BEND7: variants seen among roughly 807,000 people sequenced by gnomAD.
BEND7 encodes BEN domain-containing protein 7.
BEND7 carries 28 observed loss-of-function variants against 50.9 expected under a neutral mutation model. The ratio of observed to expected loss-of-function variants is 0.55; its 90% CI spans 0.41 to 0.75. The LOEUF (loss-of-function observed/expected upper bound fraction) is 0.75. Ranked by LOEUF, BEND7 falls within the 30% of genes least tolerant of loss-of-function variation. BEND7 has a pLI of 0.00. For missense variants in BEND7, 477 were observed against 491.3 expected (o/e 0.97, Z 0.28); for synonymous variants, 170 against 183.9 (o/e 0.92, Z 0.61).
chr10:13,451,494 C>T (rs942761595), intron 7 of BEND7, among the ~76,000 whole-genome samples: 6 of 152,036 alleles, frequency 3.9e-5, no homozygotes, highest in Non-Finnish European at 8.8e-5. Context: ...CTGCCTCAGC[C>T]TCCCAACTAT....
intron 2 of BEND7, among the ~76,000 whole-genome samples, chr10:13,501,412 T>C (rs1404319277): frequency 6.6e-6 from 1 of 151,736 alleles, no homozygotes; most frequent in Non-Finnish European, 1.5e-5. Flanking sequence ...GAAAATATTT[T>C]CTATCAATAA....
chr10:13,443,528 G>T (rs1036052905), intron 8 of BEND7: 1 of 152,560 alleles, frequency 6.6e-6, no homozygotes, highest in Non-Finnish European at 1.5e-5. Context: ...GGAGGTGTCT[G>T]TGTTTCACAC....
chr10:13,441,195 T>A lies in BEND7; in HGVS notation c.*548A>T. ...CACCATTTTCACAACCAGGCTTGCA[T>A]TGAATTCTTTTTTAAAGAACATAGT... On this transcript the variant is annotated 3_prime_UTR_variant, in exon 9 of 9. Transcript: ENST00000466271. 1.0e-6 allele frequency: 1 copy of A among 957,856 alleles called. No homozygotes were observed. Among genetic ancestry groups the A allele is most frequent in the Non-Finnish European group, 1.2e-6 (1 of 804,838 alleles). The allele number at this position is 957,856 out of a possible 1,614,324, so 59.3% of individuals were successfully genotyped here.
intron 2 of BEND7, among the ~76,000 whole-genome samples, chr10:13,501,129 C>A (rs1334250967): frequency 1.3e-5 from 2 of 152,134 alleles, no homozygotes; most frequent in Non-Finnish European, 2.9e-5. Context: ...AATCCCAGCA[C>A]TTTGGGAGGC....
chr10:13,473,930 T>G (rs1040299033), intron 6 of BEND7, among the ~76,000 whole-genome samples: 3 of 151,420 alleles, frequency 2.0e-5, no homozygotes, highest in African/African-American at 7.3e-5. Flanking sequence ...ACTGTTAGAC[T>G]CAGGGCCAAT....
chr10:13,509,265 A>G (rs2132422016), intron 2 of BEND7, among the ~76,000 whole-genome samples: 1 of 152,336 alleles, frequency 6.6e-6, no homozygotes, highest in South Asian at 2.1e-4. Context: ...ACTGAATGCA[A>G]GTACTGTCCT....
In BEND7 at chr10:13,451,144, G is replaced by A. The variant is rs558825613; in HGVS notation, c.1183+1395C>T. Reference sequence around the variant, plus strand: ...CAGACACATGATCCACTGCCAGCAAGGTCTTTCTGGGTCCCTGAGAATAGC... The same window carrying A: ...CAGACACATGATCCACTGCCAGCAAAGTCTTTCTGGGTCCCTGAGAATAGC... On this transcript the variant is annotated intron_variant, in intron 7 of 8. Coordinates refer to ENST00000466271, the MANE Select transcript of BEND7 (RefSeq NM_001369863.1). 7.2e-5 allele frequency among the ~76,000 whole-genome samples: 11 copies of A among 151,938 alleles called. No individual in the cohort carries two copies. The South Asian group carries it at 2.3e-3, about 32-fold the overall frequency.
At chr10:13,487,435 G>A (rs538871547) in intron 5 of BEND7, among the ~76,000 whole-genome samples, 4 of 142,338 alleles carry the variant, frequency 2.8e-5, no homozygotes, top group Non-Finnish European at 6.0e-5. Context: ...TGCCCAGGCT[G>A]GAGTACAATG....
chr10:13,480,706 T>G, intron 6 of BEND7, 193 bp downstream of exon 6: 1 of 985,368 alleles, frequency 1.0e-6, no homozygotes, highest in Non-Finnish European at 1.2e-6. Context: ...TAACATTACC[T>G]TGAATAATGA....
chr10:13,517,869 G>A (rs951698982), intron 2 of BEND7, among the ~76,000 whole-genome samples: 3 of 152,138 alleles, frequency 2.0e-5, no homozygotes, highest in Admixed American at 1.3e-4. Flanking sequence ...CGCCAGCCCC[G>A]CTCCCCTGCT....
chr10:13,471,812 T>G, intron 6 of BEND7, among the ~76,000 whole-genome samples: 1 of 152,258 alleles, frequency 6.6e-6, no homozygotes, highest in East Asian at 1.9e-4. Flanking sequence ...AGCCCAAGCT[T>G]CACAGGGGCT....
intron 2 of BEND7, 129 bp downstream of exon 2, chr10:13,526,009 G>A (rs1229837782): frequency 2.7e-6 from 1 of 371,504 alleles, no homozygotes; most frequent in East Asian, 8.2e-5. Context: ...TAAAATAAAA[G>A]GTCTTGAAAA....
chr10:13,468,538 G>A (rs970211690), intron 6 of BEND7, among the ~76,000 whole-genome samples: 1 of 152,198 alleles, frequency 6.6e-6, no homozygotes, highest in African/African-American at 2.4e-5. Context: ...GAAGTAAGTA[G>A]GAAAACGATG....
At chr10:13,487,464 G>A (rs947005589) in intron 5 of BEND7, among the ~76,000 whole-genome samples, 12 of 146,562 alleles carry the variant, frequency 8.2e-5, no homozygotes, top group South Asian at 2.2e-4. Flanking sequence ...TTGGCTCACC[G>A]CAACCTCTGC....
intron 6 of BEND7, among the ~76,000 whole-genome samples, chr10:13,452,861 A>C (rs577000203): frequency 6.6e-6 from 1 of 152,352 alleles, no homozygotes; most frequent in Admixed American, 6.5e-5. Context: ...ATTGTGCTTC[A>C]AAACGAAACT....
Position 13,452,566 on chromosome 10 carries a change from C to A in BEND7, c.1156G>T (p.Ala386Ser). The A allele has an allele frequency of 5.0e-6, 8 of 1,612,492 alleles. No individual in the cohort carries two copies. Among genetic ancestry groups the A allele is most frequent in the Non-Finnish European group, 6.8e-6 (8 of 1,179,330 alleles). ...VQILQDQIKL[A>S]RRRLKRGSEI... ...GAGCCTCTTTTTAACCTTCTTCTGG[C>A]CAGTTTAATTTGATCCTGTAGAATC... The change falls in exon 7 of 9, where the codon GCC (alanine) becomes TCC (serine). Residue 386 changes from alanine (A) to serine (S), a missense_variant. Coordinates refer to ENST00000466271, the MANE Select transcript of BEND7 (RefSeq NM_001369863.1).
chr10:13,448,844 A>G (rs900490001), intron 7 of BEND7, among the ~76,000 whole-genome samples: 8 of 152,070 alleles, frequency 5.3e-5, no homozygotes, highest in Non-Finnish European at 8.8e-5. Context: ...GAGAGGTGGC[A>G]GGCGCCTGTA....
intron 6 of BEND7, among the ~76,000 whole-genome samples, chr10:13,473,792 CATT>C (rs1260707166): frequency 3.3e-5 from 5 of 151,614 alleles, no homozygotes; most frequent in East Asian, 1.9e-4. Flanking sequence ...TGATACTCAT[CATT>C]GTTGTTACAC....
In BEND7 at chr10:13,524,962, C is replaced by T. The variant is rs191662662; in HGVS notation, c.145+1176G>A. ...ATGCATCCCGACCCACCCTTTCTAT[C>T]CCTCAAAGCAAAACCAGAGAGATCC... On this transcript the variant is annotated intron_variant, in intron 2 of 8. Transcript: ENST00000466271. Among the ~76,000 whole-genome samples, 20 of 152,284 alleles carry T rather than the reference C, an allele frequency of 1.3e-4. 1 individual carries two copies. Among genetic ancestry groups the T allele is most frequent in the Admixed American group, 1.3e-3 (20 of 15,300 alleles).
Sources: allele counts gnomAD v4.1 joint callset (sites outside exome capture counted in the v4.1 genomes callset), GRCh38; gene constraint gnomAD v4.1.1; transcripts MANE v1.5; gene names NCBI Gene and HGNC (gene_info 2026-07-23, HGNC 2026-07-21).